OSBP2: variants seen among roughly 807,000 people sequenced by gnomAD.
OSBP2 encodes the protein oxysterol-binding protein 2.
OSBP2 carries 66 observed loss-of-function variants against 96.0 expected under a neutral mutation model. The ratio of observed to expected loss-of-function variants is 0.69; its 90% confidence interval spans 0.56 to 0.84. The LOEUF is 0.84. OSBP2 is among the 40% of genes least tolerant of loss of function. The pLI is 0.00. For missense variants in OSBP2, 1,038 were observed against 1,222.7 expected (o/e 0.85, Z 2.25); for synonymous variants, 525 against 520.9 (o/e 1.01, Z -0.11).
chr22:30,810,853 A>G (rs555872067), intron 2 of OSBP2, among the ~76,000 whole-genome samples: 5 of 152,228 alleles, frequency 3.3e-5, no homozygotes, highest in Admixed American at 2.6e-4. Context: ...TCACCCAAGG[A>G]GTATTCTTCT....
In OSBP2 at chr22:30,893,560, C is replaced by G; in HGVS notation, c.2088C>G (p.Ile696Met). The change falls in exon 10 of 14, where the codon ATC becomes ATG. Residue 696 changes from isoleucine (I) to methionine (M), a missense_variant. Physicochemically the swap from Ile to Met is conservative, Grantham distance 10. Around this residue, in one of 3 missense-constraint regions of OSBP2, gnomAD observed 737 missense variants for 913.3 expected, o/e 0.81. Coordinates refer to ENST00000332585, the MANE Select transcript of OSBP2 (RefSeq NM_030758.4). ...VHNIIVGKLW[I>M]DQSGDIEIVN... The stretch of plus-strand genomic sequence containing the variant: ...ACATCATCGTGGGCAAGCTCTGGAT[C>G]GACCAGGTCAGGGGCGCCCTTGGGG... 1 of 1,613,966 alleles carries G rather than the reference C, an allele frequency of 6.2e-7. No individual in the cohort carries two copies. Among genetic ancestry groups the G allele is most frequent in the South Asian group, 1.1e-5 (1 of 91,078 alleles).
At chr22:30,746,190 G>T (rs1468814474) in intron 2 of OSBP2, among the ~76,000 whole-genome samples, 1 of 152,076 alleles carries the variant, frequency 6.6e-6, no homozygotes, top group African/African-American at 2.4e-5. Flanking sequence ...AGGCCTAGGA[G>T]GGAGGATCAA....
At chr22:30,733,209 C>T (rs2089805510) in intron 1 of OSBP2, among the ~76,000 whole-genome samples, 1 of 152,014 alleles carries the variant, frequency 6.6e-6, no homozygotes, top group East Asian at 1.9e-4. Context: ...AGTGGAGCCG[C>T]GAGATGAGCC....
At chr22:30,790,675 G>T (rs1279545141) in intron 2 of OSBP2, among the ~76,000 whole-genome samples, 1 of 151,260 alleles carries the variant, frequency 6.6e-6, no homozygotes, top group Non-Finnish European at 1.5e-5. Context: ...AAAAAAGAGG[G>T]AGCATACTTT....
intron 2 of OSBP2, among the ~76,000 whole-genome samples, chr22:30,793,518 AC>A (rs1213411310): frequency 1.4e-5 from 2 of 143,658 alleles, no homozygotes; most frequent in Non-Finnish European, 3.1e-5. Flanking sequence ...GTGCACGGTG[AC>A]TCATGCCTGT....
chr22:30,710,100 G>T (rs567522020), intron 1 of OSBP2, among the ~76,000 whole-genome samples: 1 of 151,928 alleles, frequency 6.6e-6, no homozygotes, highest in Admixed American at 6.6e-5. Flanking sequence ...TGGCCAGGCC[G>T]GTCTTGAACT....
At chr22:30,730,594 C>T (rs951899691) in intron 1 of OSBP2, among the ~76,000 whole-genome samples, 2 of 151,546 alleles carry the variant, frequency 1.3e-5, no homozygotes, top group Non-Finnish European at 2.9e-5. Context: ...ATGGGAATTT[C>T]ACAGTGAATC....
At chr22:30,821,367 A>G (rs2038268584) in intron 2 of OSBP2, among the ~76,000 whole-genome samples, 1 of 152,232 alleles carries the variant, frequency 6.6e-6, no homozygotes, top group Non-Finnish European at 1.5e-5. Flanking sequence ...ACGAGGGCGT[A>G]GCAGGCCCCA....
intron 2 of OSBP2, among the ~76,000 whole-genome samples, chr22:30,860,597 A>G (rs4577391): frequency 0.79 from 120,578 of 152,214 alleles, 48,116 homozygotes; most frequent in East Asian, 0.88. Flanking sequence ...GGCTGGGCTC[A>G]AGAACAGCCC....
intron 12 of OSBP2, among the ~76,000 whole-genome samples, chr22:30,896,876 G>A (rs1012927817): frequency 6.6e-5 from 10 of 152,002 alleles, no homozygotes; most frequent in Admixed American, 5.9e-4. Flanking sequence ...TCAAACTCCT[G>A]GCCTCAAGTG....
intron 4 of OSBP2, 86 bp from the exon 5 acceptor site, chr22:30,888,137 T>A: frequency 1.1e-6 from 1 of 870,632 alleles, no homozygotes; most frequent in South Asian, 1.4e-5. Flanking sequence ...CAGATGGGGG[T>A]TGGGGGAGCC....
intron 2 of OSBP2, among the ~76,000 whole-genome samples, chr22:30,867,867 T>C (rs1036396471): frequency 6.6e-6 from 1 of 152,232 alleles, no homozygotes; most frequent in Non-Finnish European, 1.5e-5. Context: ...CGCATCTGCA[T>C]TGGGCATACC....
At chr22:30,857,148 C>T (rs930410529) in intron 2 of OSBP2, among the ~76,000 whole-genome samples, 1 of 152,212 alleles carries the variant, frequency 6.6e-6, no homozygotes, top group Non-Finnish European at 1.5e-5. Flanking sequence ...ACTGCAGCAG[C>T]CCCCCTGGCA....
intron 2 of OSBP2, among the ~76,000 whole-genome samples, chr22:30,852,632 T>G (rs2038997621): frequency 6.6e-6 from 1 of 152,128 alleles, no homozygotes; most frequent in African/African-American, 2.4e-5. Context: ...TGTTTTTATT[T>G]TGTTTATTTC....
chr22:30,890,493 T>C lies in OSBP2; in HGVS notation c.1624-235T>C, dbSNP rs931324429. The stretch of plus-strand genomic sequence containing the variant: ...CAGAGGAGAGCAACAGTGAACATGA[T>C]AAAAGTGTGTAGGATGCAGCAGACC... On this transcript the variant is annotated intron_variant, in intron 7 of 13. Transcript: ENST00000332585. The surrounding 1 kb of genome is among the most constrained non-coding windows in gnomAD (Gnocchi z 4.4). Among the ~76,000 whole-genome samples, 1 of 152,004 alleles carries C rather than the reference T, an allele frequency of 6.6e-6. No homozygotes were observed. The highest frequency in any genetic ancestry group is 1.5e-5 in the Non-Finnish European group (1 of 67,994).
At chr22:30,855,629 C>G (rs898642470) in intron 2 of OSBP2, among the ~76,000 whole-genome samples, 2 of 152,196 alleles carry the variant, frequency 1.3e-5, no homozygotes, top group Non-Finnish European at 2.9e-5. Context: ...TTTGATATTC[C>G]TCAGCACAGC....
At chr22:30,822,233 A>G (rs1264429709) in intron 2 of OSBP2, among the ~76,000 whole-genome samples, 3 of 152,244 alleles carry the variant, frequency 2.0e-5, no homozygotes, top group Non-Finnish European at 2.9e-5. Flanking sequence ...CCTTTGAGAT[A>G]AAGCAACGCC....
chr22:30,770,098 T>C (rs2090328092), intron 2 of OSBP2, among the ~76,000 whole-genome samples: 1 of 15,636 alleles, frequency 6.4e-5, no homozygotes, highest in African/African-American at 6.3e-4. Flanking sequence ...TCCCCCATGA[T>C]TTTTTTTTTT....
chr22:30,869,597 C>T (rs916397683), intron 2 of OSBP2, among the ~76,000 whole-genome samples: 7 of 152,222 alleles, frequency 4.6e-5, no homozygotes, highest in African/African-American at 1.4e-4. Flanking sequence ...TGCAGTGGCA[C>T]GATCATGGCT....
Sources: allele counts gnomAD v4.1 joint callset (sites outside exome capture counted in the v4.1 genomes callset), GRCh38; gene constraint gnomAD v4.1.1; regional missense constraint gnomAD v4.1.1; non-coding constraint Gnocchi (gnomAD v3.1); transcripts MANE v1.5; gene names NCBI Gene and HGNC (gene_info 2026-07-23, HGNC 2026-07-21).